MMP21: variants seen among roughly 807,000 people sequenced by gnomAD.
The protein encoded by MMP21 is matrix metalloproteinase-21.
In MMP21, 40 loss-of-function variants were observed where a neutral mutation model predicts 47.8. That is an observed-to-expected ratio of 0.84 (90% CI 0.65 to 1.09). The LOEUF (loss-of-function observed/expected upper bound fraction) is 1.09, where lower values mean the gene tolerates loss of function less well. Among genes scored for constraint, MMP21 ranks in the 50% least tolerant of loss-of-function variants. The pLI, the probability that MMP21 is intolerant of heterozygous loss-of-function variation, is 0.00. For synonymous variants in MMP21, 341 were observed against 318.0 expected, an observed-to-expected ratio of 1.07 and a Z score of -0.77; for missense variants, 747 against 775.3, an observed-to-expected ratio of 0.96 and a Z score of 0.43.
rs1850466538 is a variant in MMP21, at chr10:125,772,800, A to T, written c.698-50T>A. 1 of 1,594,742 alleles carries T rather than the reference A, an allele frequency of 6.3e-7. No homozygotes were observed. Among genetic ancestry groups the T allele is most frequent in the Admixed American group, 1.7e-5 (1 of 59,522 alleles). On this transcript the variant is annotated intron_variant, in intron 2 of 6. Coordinates refer to ENST00000368808, the MANE Select transcript of MMP21 (RefSeq NM_147191.1). This position sits in a 1 kb window ranked among gnomAD's most constrained non-coding sequence, Gnocchi z 5.6. ...TCCCGGTGAAGGATGAGTGCCCCCC[A>T]TACAGACTCCTCACCTAGGGGGTCC... is the stretch of plus-strand genomic sequence containing the variant.
At chr10:125,771,936 GC>G (rs28381298) in intron 4 of MMP21, among the ~76,000 whole-genome samples, 2,132 of 152,236 alleles carry the variant, frequency 0.014, 64 homozygotes, top group African/African-American at 0.048. Context: ...CGGGTTGGGG[GC>G]CCGCTTGTGT....
chr10:125,769,196 A>C (rs1301778828), intron 5 of MMP21, among the ~76,000 whole-genome samples: 2 of 152,146 alleles, frequency 1.3e-5, no homozygotes, highest in African/African-American at 4.8e-5. Flanking sequence ...AGGGTACTGG[A>C]TGAGACCGGG....
In MMP21 at chr10:125,772,760, G is replaced by A. The variant is rs755876613; in HGVS notation, c.698-10C>T. The A allele has an allele frequency of 3.0e-5, 49 of 1,610,766 alleles. No homozygotes were observed. In the African/African-American group the frequency reaches 5.9e-4, roughly 19 times the overall value. On this transcript the variant is annotated splice_polypyrimidine_tract_variant and intron_variant, in intron 2 of 6. Coordinates refer to ENST00000368808, the MANE Select transcript of MMP21 (RefSeq NM_147191.1). This position sits in a 1 kb window ranked among gnomAD's most constrained non-coding sequence, Gnocchi z 5.6. ...CAGCCCAGGTGCCGGCCTGGCGAGG[G>A]GGAGGAGGAGTTGGTCCCGGTGAAG...
At position 125,770,607 on chromosome 10, in the gene MMP21, A is replaced by G. The variant is rs577517876; in HGVS notation, c.980-16T>C. 13 of 1,610,908 alleles carry G rather than the reference A, an allele frequency of 8.1e-6. No homozygotes were observed. The East Asian group carries it at 2.9e-4, about 36-fold the overall frequency. On this transcript the variant is annotated splice_polypyrimidine_tract_variant and intron_variant, in intron 4 of 6. Coordinates refer to ENST00000368808, the MANE Select transcript of MMP21 (RefSeq NM_147191.1). ...TCACAGGAGCCTTAAAAAAACAAACAAAAAACAGCCACTTGTCACATACAT... is the reference window on the plus strand; with the variant it reads ...TCACAGGAGCCTTAAAAAAACAAACGAAAAACAGCCACTTGTCACATACAT...
In MMP21 at chr10:125,766,960, A is replaced by G. The variant is rs569009005; in HGVS notation, c.1412T>C (p.Val471Ala). Residue 471 changes from valine (V) to alanine (A), a missense_variant and splice_region_variant, in exon 7 of 7, where the codon GTA (valine) becomes GCA (alanine). Transcript: ENST00000368808. ...KLIYFFKESL[V>A]FAFDVNRNRV... ...ATTTCTGTTGACATCAAATGCAAAT[A>G]CCTGCAAAGCAAATAAGATAGACTG... 75 of 1,576,520 alleles carry G rather than the reference A, an allele frequency of 4.8e-5. No individual in the cohort carries two copies. The South Asian group carries it at 8.7e-4, about 18-fold the overall frequency.
In MMP21 at chr10:125,766,814, A is replaced by G. The variant is rs772689330; in HGVS notation, c.1558T>C (p.Phe520Leu). 2 of 1,614,046 alleles carry G rather than the reference A, an allele frequency of 1.2e-6. No individual in the cohort carries two copies. The highest frequency in any genetic ancestry group is 4.5e-5 in the East Asian group (2 of 44,842). The change falls in exon 7 of 7, where the codon TTT becomes CTT. Residue 520 changes from phenylalanine to leucine, a missense_variant. Transcript: ENST00000368808. ...TTCCAGTATGCATTGCCTTTGAAAA[A>G]GAAAATGGAGTTGTATGCATAGGAG... ...YYSYAYNSIF[F>L]FKGNAYWKVV...
Position 125,767,411 on chromosome 10 carries a change from G to A in MMP21, c.1410+121C>T, listed in dbSNP as rs28381321. ...CCCACCTTGGCCTCCCAAAGTGCGG[G>A]ATTACAGGCATGCGCCACTGTGGCA... On this transcript the variant is annotated intron_variant, in intron 6 of 6. Transcript: ENST00000368808. 1,046 of 982,088 alleles carry A rather than the reference G, an allele frequency of 1.1e-3. 11 individuals carry two copies. Among genetic ancestry groups the A allele is most frequent in the South Asian group, 9.8e-3 (584 of 59,788 alleles). The allele number at this position is 982,088 out of a possible 1,614,324, so 60.8% of individuals were successfully genotyped here. A position where few individuals can be genotyped will look rare whatever the true frequency, so the allele number is the denominator to read the frequency against.
chr10:125,772,199 C>T lies in MMP21; in HGVS notation c.979+19G>A. The T allele has an allele frequency of 6.2e-7, 1 of 1,613,648 alleles. No individual in the cohort carries two copies. Among genetic ancestry groups the T allele is most frequent in the South Asian group, 1.1e-5 (1 of 91,044 alleles). On this transcript the variant is annotated intron_variant, in intron 4 of 6. Coordinates refer to ENST00000368808, the MANE Select transcript of MMP21 (RefSeq NM_147191.1). This position sits in a 1 kb window ranked among gnomAD's most constrained non-coding sequence, Gnocchi z 5.6. ...AGTGTCCTCCGCTAGCTCAGGGATG[C>T]CCTCCGCAGCAGTCTTACCATACAG... is the stretch of plus-strand genomic sequence containing the variant.
At chr10:125,769,847 C>T (rs890427052) in intron 5 of MMP21, among the ~76,000 whole-genome samples, 5 of 152,138 alleles carry the variant, frequency 3.3e-5, no homozygotes, top group Non-Finnish European at 7.4e-5. Context: ...TGACTTAGTG[C>T]CGTCTTAAAA....
Position 125,774,325 on chromosome 10 carries a change from G to A in MMP21, c.203C>T (p.Ala68Val). 1.4e-6 allele frequency: 2 copies of A among 1,411,868 alleles called. No individual in the cohort carries two copies. The highest frequency in any genetic ancestry group is 1.5e-5 in the South Asian group (1 of 66,706). 87.5% of individuals were successfully genotyped at this position (1,411,868 alleles called of 1,614,324 possible). A position where few individuals can be genotyped will look rare whatever the true frequency, so the allele number is the denominator to read the frequency against. Residue 68 changes from alanine to valine, a missense_variant, in exon 2 of 7, where the codon GCC (alanine) becomes GTC (valine). Coordinates refer to ENST00000368808, the MANE Select transcript of MMP21 (RefSeq NM_147191.1). ...CGGCCCCTCGGGACTGGGCCCCCAG[G>A]CCGCCCACACCCCTGACCAGCCGTA... Reference protein sequence around the residue: ...SRYGWSGVWAAWGPSPEGPPE... With the variant: ...SRYGWSGVWAVWGPSPEGPPE...
chr10:125,773,682 G>T lies in MMP21; in HGVS notation c.697+149C>A. 9.8e-7 allele frequency: 1 copy of T among 1,024,050 alleles called. No individual in the cohort carries two copies. The highest frequency in any genetic ancestry group is 1.3e-6 in the Non-Finnish European group (1 of 766,366). The allele number at this position is 1,024,050 out of a possible 1,614,324, so 63.4% of individuals were successfully genotyped here. The stretch of plus-strand genomic sequence containing the variant: ...GATTCCGACAAGACGACGCTGACCG[G>T]TGGCTTCTGCCTGCCCCGCTGACAG... On this transcript the variant is annotated intron_variant, in intron 2 of 6. Transcript: ENST00000368808. The surrounding 1 kb of genome is among the most constrained non-coding windows in gnomAD (Gnocchi z 4.8).
intron 5 of MMP21, among the ~76,000 whole-genome samples, chr10:125,769,503 C>T (rs977121019): frequency 2.0e-5 from 3 of 152,188 alleles, no homozygotes; most frequent in African/African-American, 4.8e-5. Flanking sequence ...TTTTCACTCC[C>T]AACCCCACGG....
chr10:125,775,618 C>A, intron 1 of MMP21, 42 bp downstream of exon 1: 1 of 1,545,194 alleles, frequency 6.5e-7, no homozygotes, highest in Non-Finnish European at 8.8e-7. Flanking sequence ...TGTGCACGTG[C>A]ACGGGCCTGG....
Position 125,766,662 on chromosome 10 carries a change from T to C in MMP21, c.1710A>G (p.Ter570=), listed in dbSNP as rs111343116. 3.8e-6 allele frequency: 6 copies of C among 1,585,306 alleles called. No homozygotes were observed. The African/African-American group carries it at 4.1e-5, about 11-fold the overall frequency. The change falls in exon 7 of 7, where the codon TAA becomes TAG. Residue 570 remains the stop codon, a stop_retained_variant. Transcript: ENST00000368808. ...CDVHISTLNM[*] ...ACCCTCCATTTCCTACTTTTTCTTA[T>C]TACATGTTCAGTGTGGAGATATGGA... is the stretch of plus-strand genomic sequence containing the variant.
Position 125,772,820 on chromosome 10 carries a change from G to T in MMP21, c.698-70C>A. On this transcript the variant is annotated intron_variant, in intron 2 of 6. Transcript: ENST00000368808. The surrounding 1 kb of genome is among the most constrained non-coding windows in gnomAD (Gnocchi z 5.6). ...CCCCCATACAGACTCCTCACCTAGG[G>T]GGTCCCCAGCCTCCAGGAGCCGGCA... The T allele has an allele frequency of 6.4e-7, 1 of 1,565,096 alleles. No homozygotes were observed.
At chr10:125,775,527 A>G in intron 1 of MMP21, 133 bp downstream of exon 1, 1 of 1,197,862 alleles carries the variant, frequency 8.3e-7, no homozygotes, top group East Asian at 2.8e-5. Flanking sequence ...CCTCCCTCTC[A>G]GCCCAGCCTG....
intron 4 of MMP21, 84 bp from the exon 5 acceptor site, chr10:125,770,675 G>A: frequency 6.8e-7 from 1 of 1,475,966 alleles, no homozygotes; most frequent in Non-Finnish European, 9.2e-7. Context: ...AATGAAGACA[G>A]TTGCAAAGCT....
In MMP21 at chr10:125,772,893, G is replaced by A. The variant is rs112297428; in HGVS notation, c.698-143C>T. 334 of 841,248 alleles carry A rather than the reference G, an allele frequency of 4.0e-4. No individual in the cohort carries two copies. The African/African-American group carries it at 4.6e-3, about 12-fold the overall frequency. 52.1% of individuals were successfully genotyped at this position (841,248 alleles called of 1,614,324 possible). ...CTCCTGGATTAAGTCCTCAATGTGC[G>A]GAGGGTGGGAGACGGTTTGTTTGTA... On this transcript the variant is annotated intron_variant, in intron 2 of 6. Transcript: ENST00000368808. The surrounding 1 kb of genome is among the most constrained non-coding windows in gnomAD (Gnocchi z 5.6).
chr10:125,771,206 T>C (rs1183429577), intron 4 of MMP21, among the ~76,000 whole-genome samples: 5 of 152,100 alleles, frequency 3.3e-5, no homozygotes, highest in African/African-American at 1.2e-4. Flanking sequence ...ACCCTAAATA[T>C]AGCTACTGAA....
Sources: gnomAD v4.1 joint callset for allele counts (sites outside exome capture counted in the v4.1 genomes callset) on GRCh38, gnomAD v4.1.1 for gene constraint, Gnocchi (gnomAD v3.1) non-coding constraint, MANE v1.5 for transcripts, NCBI Gene and HGNC (gene_info 2026-07-23, HGNC 2026-07-21) for gene names.